The following ABCB5 variants were observed in gnomAD, a reference collection of about 807,000 sequenced individuals.
ABCB5 encodes the protein ATP-binding cassette sub-family B member 5.
Under a neutral mutation model 144.2 loss-of-function variants are expected in ABCB5, and 155 were observed. The observed-to-expected ratio is 1.08, with a 90% CI of 0.94 to 1.23. The LOEUF is 1.23. Ranked by LOEUF, ABCB5 falls within the 50% of genes most tolerant of loss-of-function variation. The probability of loss-of-function intolerance (pLI) is 0.00; values close to 1 mark genes in which losing one functional copy is unlikely to be tolerated. For missense variants in ABCB5, 1,830 were observed against 1,520.8 expected (o/e 1.20, Z -3.38); for synonymous variants, 610 against 528.6 (o/e 1.15, Z -2.11).
chr7:20,626,854 G>GGTGGGT lies in ABCB5; in HGVS notation c.108+246_108+247insGGTGTG, dbSNP rs1554278227. The stretch of plus-strand genomic sequence containing the variant: ...CTCAGTGTTTTAAAAGTGTTTTTGG[G>GGTGGGT]GTGTGTGTGTGTGTGTGTGTGTGTG... On this transcript the variant is annotated intron_variant, in intron 3 of 27. Coordinates refer to ENST00000404938, the MANE Select transcript of ABCB5 (RefSeq NM_001163941.2). Among the ~76,000 whole-genome samples the GGTGGGT allele has an allele frequency of 6.5e-4, 94 of 143,758 alleles. No homozygotes were observed. In the East Asian group the frequency reaches 7.1e-3, roughly 11 times the overall value. The allele number at this position is 143,758 out of a possible 152,430, so 94.3% of individuals were successfully genotyped here. A position where few individuals can be genotyped will look rare whatever the true frequency, so the allele number is the denominator to read the frequency against.
intron 14 of ABCB5, among the ~76,000 whole-genome samples, chr7:20,679,965 C>G (rs1785735859): frequency 6.6e-6 from 1 of 151,786 alleles, no homozygotes; most frequent in South Asian, 2.1e-4. Context: ...TTTACAGCAA[C>G]CTATAAATAG....
At chr7:20,715,012 G>A (rs1340495545) in intron 20 of ABCB5, among the ~76,000 whole-genome samples, 2 of 152,030 alleles carry the variant, frequency 1.3e-5, no homozygotes, top group East Asian at 1.9e-4. Context: ...TGCTCAGCAT[G>A]CTTTTTGTCT....
At position 20,727,113 on chromosome 7, in the gene ABCB5, A is replaced by G. The variant is rs1263513914; in HGVS notation, c.2699A>G (p.Tyr900Cys). ...AGGGAAAAAGCCTTCGAGCAAATGT[A>G]TGAAGAGATGCTTCAGACTCAACAC... ...LTREKAFEQM[Y>C]EEMLQTQHRN... The change falls in exon 22 of 28, where the codon TAT (tyrosine) becomes TGT (cysteine). Residue 900 changes from tyrosine to cysteine, a missense_variant. Transcript: ENST00000404938. 4.3e-6 allele frequency: 7 copies of G among 1,613,472 alleles called. No individual in the cohort carries two copies. The highest frequency in any genetic ancestry group is 5.9e-6 in the Non-Finnish European group (7 of 1,179,714).
intron 5 of ABCB5, among the ~76,000 whole-genome samples, 172 bp from the exon 6 acceptor site, chr7:20,643,012 G>C (rs189560335): frequency 6.6e-6 from 1 of 152,246 alleles, no homozygotes; most frequent in African/African-American, 2.4e-5. Flanking sequence ...GTTTTACCAG[G>C]AAACCTAGAT....
intron 13 of ABCB5, among the ~76,000 whole-genome samples, chr7:20,654,354 G>T (rs771496743): frequency 6.6e-6 from 1 of 152,218 alleles, no homozygotes; most frequent in Non-Finnish European, 1.5e-5. Flanking sequence ...TAAGAAAAGG[G>T]CTTCAAAATA....
chr7:20,705,955 A>G (rs996871295), intron 20 of ABCB5, among the ~76,000 whole-genome samples: 1 of 152,146 alleles, frequency 6.6e-6, no homozygotes, highest in African/African-American at 2.4e-5. Flanking sequence ...TATGATGGAG[A>G]AAGAGCTCGA....
At chr7:20,638,998 T>G (rs1017992376) in intron 5 of ABCB5, among the ~76,000 whole-genome samples, 6 of 152,186 alleles carry the variant, frequency 3.9e-5, no homozygotes, top group African/African-American at 1.2e-4. Context: ...GGGTTCCAGT[T>G]TCTCCATGTC....
At chr7:20,729,747 C>T (rs1385468364) in intron 23 of ABCB5, among the ~76,000 whole-genome samples, 1 of 152,128 alleles carries the variant, frequency 6.6e-6, no homozygotes, top group East Asian at 1.9e-4. Context: ...TTTTAACAAG[C>T]CCACCAAAAA....
chr7:20,746,067 C>T (rs1231413686), intron 26 of ABCB5, among the ~76,000 whole-genome samples: 1 of 152,156 alleles, frequency 6.6e-6, no homozygotes, highest in Non-Finnish European at 1.5e-5. Flanking sequence ...GCCTAGACCT[C>T]CCTTAGGTTG....
At chr7:20,658,164 C>G (rs1472718097) in intron 13 of ABCB5, among the ~76,000 whole-genome samples, 1 of 152,030 alleles carries the variant, frequency 6.6e-6, no homozygotes. Flanking sequence ...ATTTGTATTA[C>G]AGTGGTTCTT....
At chr7:20,688,097 G>T (rs758437753) in intron 16 of ABCB5, among the ~76,000 whole-genome samples, 2 of 152,212 alleles carry the variant, frequency 1.3e-5, no homozygotes, top group Admixed American at 1.3e-4. Context: ...GGAGGCTGAG[G>T]CAGGAGAATT....
intron 15 of ABCB5, among the ~76,000 whole-genome samples, chr7:20,682,242 G>C (rs1785854595): frequency 6.6e-6 from 1 of 152,236 alleles, no homozygotes; most frequent in African/African-American, 2.4e-5. Flanking sequence ...ACTTGTATGT[G>C]GAAGATACTG....
Position 20,623,335 on chromosome 7 carries a change from A to G in ABCB5, c.50A>G (p.Asn17Ser). 2 of 1,549,288 alleles carry G rather than the reference A, an allele frequency of 1.3e-6. No homozygotes were observed. The highest frequency in any genetic ancestry group is 1.7e-6 in the Non-Finnish European group (2 of 1,144,156). Reference protein sequence around the residue: ...AEEMQENYQRNGTAEEQPKLR... With the variant: ...AEEMQENYQRSGTAEEQPKLR... ...GAAATGCAAGAAAATTATCAGAGAA[A>G]TGGGTAAGCTCTCACTAAGTTCTGT... Residue 17 changes from asparagine to serine, a missense_variant, in exon 2 of 28, where the codon AAT (asparagine) becomes AGT (serine). Coordinates refer to ENST00000404938, the MANE Select transcript of ABCB5 (RefSeq NM_001163941.2).
At chr7:20,653,614 G>T (rs1228492229) in intron 13 of ABCB5, among the ~76,000 whole-genome samples, 1 of 152,102 alleles carries the variant, frequency 6.6e-6, no homozygotes, top group African/African-American at 2.4e-5. Flanking sequence ...TCTCATAAAG[G>T]TACTCCATGA....
chr7:20,707,746 T>C (rs1028443711), intron 20 of ABCB5, among the ~76,000 whole-genome samples: 3 of 151,742 alleles, frequency 2.0e-5, no homozygotes, highest in Admixed American at 6.6e-5. Context: ...AAAAACCCAG[T>C]GAGTTTACTA....
chr7:20,672,183 G>T (rs547493789), intron 14 of ABCB5, among the ~76,000 whole-genome samples: 1 of 152,056 alleles, frequency 6.6e-6, no homozygotes, highest in Non-Finnish European at 1.5e-5. Flanking sequence ...TGGGTTTTGA[G>T]AATTCTTTAT....
In ABCB5 at chr7:20,659,182, C is replaced by T. The variant is rs1310711502; in HGVS notation, c.1707+506C>T. 55 of 1,611,494 alleles carry T rather than the reference C, an allele frequency of 3.4e-5. No homozygotes were observed. In the African/African-American group the frequency reaches 6.8e-4, roughly 20 times the overall value. The stretch of plus-strand genomic sequence containing the variant: ...AAACCTCACCCTGACCTCCTGCTGC[C>T]TATGAGCTACTGCACATACCTCAAG... On this transcript the variant is annotated intron_variant, in intron 14 of 27. Coordinates refer to ENST00000404938, the MANE Select transcript of ABCB5 (RefSeq NM_001163941.2).
At chr7:20,724,393 C>T (rs1267452033) in intron 21 of ABCB5, among the ~76,000 whole-genome samples, 2 of 151,740 alleles carry the variant, frequency 1.3e-5, no homozygotes, top group African/African-American at 2.4e-5. Context: ...TTTGGGAGGC[C>T]GAGATGGGCG....
At chr7:20,740,211 G>C (rs978892198) in intron 24 of ABCB5, among the ~76,000 whole-genome samples, 6 of 152,188 alleles carry the variant, frequency 3.9e-5, no homozygotes, top group Admixed American at 3.3e-4. Context: ...CTGCACCCCA[G>C]CTTGGGCGAC....
Sources: gnomAD v4.1 joint callset for allele counts (sites outside exome capture counted in the v4.1 genomes callset) on GRCh38, gnomAD v4.1.1 for gene constraint, MANE v1.5 for transcripts, NCBI Gene and HGNC (gene_info 2026-07-23, HGNC 2026-07-21) for gene names.